Variants in GRID2 observed in about 807,000 individuals in gnomAD.
GRID2 encodes glutamate receptor ionotropic, delta-2.
GRID2 carries 33 observed loss-of-function variants against 114.8 expected under a neutral mutation model. The observed-to-expected ratio is 0.29, with a 90% CI of 0.22 to 0.38. GRID2 has a LOEUF of 0.38. Among genes scored for constraint, GRID2 ranks in the 10% least tolerant of loss-of-function variants. GRID2 has a pLI of 1.00. For missense variants in GRID2, 1,184 were observed against 1,257.7 expected (o/e 0.94, Z 0.89); for synonymous variants, 505 against 449.9 (o/e 1.12, Z -1.55).
At chr4:93,049,509 A>T (rs1273151432) in intron 2 of GRID2, among the ~76,000 whole-genome samples, 3 of 151,324 alleles carry the variant, frequency 2.0e-5, no homozygotes, top group East Asian at 1.9e-4. Context: ...GTCTGAAATT[A>T]TCCCCCCCCC....
intron 2 of GRID2, among the ~76,000 whole-genome samples, chr4:92,862,992 C>CT (rs914394693): frequency 8.6e-5 from 13 of 152,028 alleles, no homozygotes; most frequent in African/African-American, 3.1e-4. Context: ...CCCACTAGCT[C>CT]TTCTCTCGGC....
chr4:92,388,837 C>T (rs1730105323), intron 1 of GRID2, among the ~76,000 whole-genome samples: 1 of 151,912 alleles, frequency 6.6e-6, no homozygotes, highest in Admixed American at 6.6e-5. Context: ...ATAATATTAT[C>T]TAATCACAAT....
chr4:93,199,472 CA>C (rs1445854741), intron 4 of GRID2, among the ~76,000 whole-genome samples: 1 of 152,120 alleles, frequency 6.6e-6, no homozygotes, highest in Non-Finnish European at 1.5e-5. Flanking sequence ...TTTCATCTCC[CA>C]CAGGGTGTGG....
intron 2 of GRID2, among the ~76,000 whole-genome samples, chr4:92,782,901 G>A (rs895933885): frequency 6.6e-5 from 10 of 151,976 alleles, no homozygotes; most frequent in African/African-American, 2.2e-4. Flanking sequence ...AAATTTTATA[G>A]GGAAACTTAA....
chr4:92,845,435 G>C (rs1743238161), intron 2 of GRID2, among the ~76,000 whole-genome samples: 1 of 152,018 alleles, frequency 6.6e-6, no homozygotes, highest in African/African-American at 2.4e-5. Flanking sequence ...TTAGAAACTT[G>C]ACAACACCTC....
At chr4:93,596,346 G>A (rs1039738220) in intron 13 of GRID2, among the ~76,000 whole-genome samples, 10 of 152,134 alleles carry the variant, frequency 6.6e-5, no homozygotes, top group Admixed American at 2.6e-4. Flanking sequence ...TTGGGAGGCC[G>A]AGGAGGGCGA....
chr4:93,260,440 A>T (rs576381918), intron 8 of GRID2, among the ~76,000 whole-genome samples: 1 of 151,360 alleles, frequency 6.6e-6, no homozygotes, highest in Non-Finnish European at 1.5e-5. Flanking sequence ...TTATATATTT[A>T]TTTATTTATT....
chr4:92,403,973 C>T (rs1162019462), intron 1 of GRID2, among the ~76,000 whole-genome samples: 1 of 151,966 alleles, frequency 6.6e-6, no homozygotes, highest in Non-Finnish European at 1.5e-5. Context: ...TGATAATAAA[C>T]ATCAAAAATA....
intron 1 of GRID2, among the ~76,000 whole-genome samples, chr4:92,575,773 G>A (rs772569612): frequency 3.3e-5 from 5 of 152,140 alleles, no homozygotes; most frequent in African/African-American, 7.2e-5. Context: ...GCTCTCGAAG[G>A]CCCACAGTCT....
chr4:92,660,964 G>A (rs1732484747), intron 2 of GRID2, among the ~76,000 whole-genome samples: 1 of 150,754 alleles, frequency 6.6e-6, no homozygotes, highest in Admixed American at 6.6e-5. Context: ...TAACCTTTTT[G>A]GAGGCTACTA....
At chr4:92,625,545 A>G (rs74984955) in intron 2 of GRID2, among the ~76,000 whole-genome samples, 7,139 of 151,980 alleles carry the variant, frequency 0.047, 210 homozygotes, top group East Asian at 0.094. Context: ...TGGTTAGGGC[A>G]CAGGCTTTAT....
intron 2 of GRID2, among the ~76,000 whole-genome samples, chr4:93,065,998 G>C (rs1728259132): frequency 6.6e-6 from 1 of 151,806 alleles, no homozygotes; most frequent in Non-Finnish European, 1.5e-5. Flanking sequence ...GTGGTGTGTG[G>C]TGTATAATGA....
At chr4:92,657,623 T>C (rs925482057) in intron 2 of GRID2, among the ~76,000 whole-genome samples, 3 of 151,602 alleles carry the variant, frequency 2.0e-5, no homozygotes, top group African/African-American at 7.3e-5. Flanking sequence ...ACTTTATCAG[T>C]ATCTGAAAGA....
At chr4:92,686,512 T>A (rs891349212) in intron 2 of GRID2, among the ~76,000 whole-genome samples, 1 of 152,030 alleles carries the variant, frequency 6.6e-6, no homozygotes, top group Non-Finnish European at 1.5e-5. Context: ...GTTTCGTTGT[T>A]CTTGTTAAGT....
intron 3 of GRID2, among the ~76,000 whole-genome samples, chr4:93,087,165 G>T (rs2149324583): frequency 6.6e-6 from 1 of 151,706 alleles, no homozygotes; most frequent in East Asian, 1.9e-4. Context: ...CTCCCAAGTA[G>T]CTGGGACTAC....
At chr4:93,302,486 G>A in intron 8 of GRID2, 1 of 441,458 alleles carries the variant, frequency 2.3e-6, no homozygotes, top group South Asian at 1.6e-5. Flanking sequence ...CTCTCACTGA[G>A]CAATGCGAAC....
intron 1 of GRID2, among the ~76,000 whole-genome samples, chr4:92,383,819 T>G (rs1260871532): frequency 1.3e-5 from 2 of 151,978 alleles, no homozygotes; most frequent in Non-Finnish European, 2.9e-5. Context: ...TATTTCTGCT[T>G]AAAATCAAAA....
intron 2 of GRID2, among the ~76,000 whole-genome samples, chr4:92,836,950 G>A (rs1742502761): frequency 1.3e-5 from 2 of 152,050 alleles, no homozygotes; most frequent in African/African-American, 4.8e-5. Flanking sequence ...GATTGCTTGA[G>A]GAAATTTTAA....
chr4:92,447,930 A>G (rs1173253664), intron 1 of GRID2, among the ~76,000 whole-genome samples: 5 of 152,182 alleles, frequency 3.3e-5, no homozygotes, highest in Admixed American at 1.3e-4. Flanking sequence ...AAAAATTCAA[A>G]TATTCTGAAC....
Sources: gnomAD v4.1 joint callset for allele counts (sites outside exome capture counted in the v4.1 genomes callset) on GRCh38, gnomAD v4.1.1 for gene constraint, MANE v1.5 for transcripts, NCBI Gene and HGNC (gene_info 2026-07-23, HGNC 2026-07-21) for gene names.